The following COL21A1 variants were observed in gnomAD, a reference collection of about 807,000 sequenced individuals.
COL21A1 encodes the protein collagen type XXI alpha 1 chain.
COL21A1 carries 149 observed loss-of-function variants against 137.9 expected under a neutral mutation model. The observed-to-expected ratio is 1.08, with a 90% confidence interval of 0.95 to 1.24. COL21A1 has a LOEUF of 1.24. COL21A1 is among the 50% of genes most tolerant of loss of function. The pLI is 0.00. For missense variants in COL21A1, 1,167 were observed against 1,158.4 expected (o/e 1.01, Z -0.11); for synonymous variants, 456 against 391.5 (o/e 1.16, Z -1.95).
At chr6:56,141,653 C>A in intron 12 of COL21A1, 132 bp downstream of exon 12, 1 of 856,568 alleles carries the variant, frequency 1.2e-6, no homozygotes, top group Non-Finnish European at 1.9e-6. Flanking sequence ...GTCTAATAGC[C>A]ACTGACAAAT....
chr6:56,273,228 A>C (rs148486429), intron 1 of COL21A1, among the ~76,000 whole-genome samples: 1 of 152,222 alleles, frequency 6.6e-6, no homozygotes, highest in Non-Finnish European at 1.5e-5. Flanking sequence ...TCTGGGATTC[A>C]GCCAAAGCAG....
intron 1 of COL21A1, among the ~76,000 whole-genome samples, chr6:56,231,832 T>C (rs971393456): frequency 2.6e-5 from 4 of 151,836 alleles, no homozygotes; most frequent in African/African-American, 4.8e-5. Context: ...TTCAGATCAT[T>C]CTCTTTTCAT....
chr6:56,294,946 A>G (rs982558788), intron 1 of COL21A1, among the ~76,000 whole-genome samples: 9 of 151,988 alleles, frequency 5.9e-5, no homozygotes, highest in African/African-American at 2.2e-4. Flanking sequence ...TAATTTTAAT[A>G]AAGTCCAACT....
chr6:56,265,647 G>A (rs1375420979), intron 1 of COL21A1, among the ~76,000 whole-genome samples: 1 of 152,190 alleles, frequency 6.6e-6, no homozygotes, highest in African/African-American at 2.4e-5. Flanking sequence ...ACTGGTGACA[G>A]ATCATACCAT....
intron 14 of COL21A1, 80 bp downstream of exon 14, chr6:56,125,487 T>A: frequency 1.0e-6 from 1 of 959,268 alleles, no homozygotes; most frequent in East Asian, 2.6e-5. Context: ...TAATGCTGGG[T>A]TAGAACTGCA....
chr6:56,327,681 C>T (rs10807514), intron 1 of COL21A1, among the ~76,000 whole-genome samples: 149,360 of 152,150 alleles, frequency 0.98, 73,359 homozygotes, highest in East Asian at 1. Flanking sequence ...GGAATCGTGG[C>T]TGAGATTTGA....
At chr6:56,358,933 TA>T (rs574818707) in intron 1 of COL21A1, among the ~76,000 whole-genome samples, 26 of 150,514 alleles carry the variant, frequency 1.7e-4, no homozygotes, top group Non-Finnish European at 2.2e-4. Context: ...TCCCAATGGT[TA>T]AAAAAAAAAT....
chr6:56,330,302 A>G (rs1765188760), intron 1 of COL21A1, among the ~76,000 whole-genome samples: 1 of 152,136 alleles, frequency 6.6e-6, no homozygotes, highest in Non-Finnish European at 1.5e-5. Flanking sequence ...AAAATAAAAT[A>G]GTTGTAAATA....
intron 1 of COL21A1, among the ~76,000 whole-genome samples, chr6:56,382,144 T>A (rs1277400906): frequency 1.3e-5 from 2 of 152,206 alleles, no homozygotes; most frequent in Non-Finnish European, 2.9e-5. Flanking sequence ...TTATGTGTCA[T>A]CTACACAATA....
chr6:56,312,748 C>T (rs1284588852), intron 1 of COL21A1, among the ~76,000 whole-genome samples: 1 of 151,984 alleles, frequency 6.6e-6, no homozygotes, highest in Non-Finnish European at 1.5e-5. Flanking sequence ...ACAAGGTTGC[C>T]AAAAGAGAAA....
intron 1 of COL21A1, among the ~76,000 whole-genome samples, chr6:56,322,921 C>T (rs948184463): frequency 3.0e-4 from 40 of 131,702 alleles, no homozygotes; most frequent in African/African-American, 1.1e-3. Flanking sequence ...TCAAAGAATA[C>T]AAGTTTTAAA....
intron 1 of COL21A1, among the ~76,000 whole-genome samples, chr6:56,322,206 A>C (rs1310330478): frequency 6.6e-6 from 1 of 152,120 alleles, no homozygotes; most frequent in East Asian, 1.9e-4. Context: ...AGTGAGATGC[A>C]CTGAAAACTG....
intron 1 of COL21A1, among the ~76,000 whole-genome samples, chr6:56,383,983 T>C (rs1164756281): frequency 7.4e-6 from 1 of 135,798 alleles, no homozygotes; most frequent in Non-Finnish European, 1.6e-5. Flanking sequence ...GTGAGAAATA[T>C]AGATTAATTT....
At chr6:56,077,238 G>A (rs1218432043) in intron 18 of COL21A1, among the ~76,000 whole-genome samples, 1 of 151,208 alleles carries the variant, frequency 6.6e-6, no homozygotes, top group African/African-American at 2.4e-5. Flanking sequence ...ATATAGTTAA[G>A]TAAATTAACT....
At chr6:56,275,108 T>C (rs763000582) in intron 1 of COL21A1, among the ~76,000 whole-genome samples, 16 of 152,066 alleles carry the variant, frequency 1.1e-4, no homozygotes, top group Non-Finnish European at 2.1e-4. Flanking sequence ...AAACAAGCAA[T>C]TAGGAAAGGA....
chr6:56,059,298 G>A, intron 28 of COL21A1, 56 bp from the exon 29 acceptor site: 2 of 1,228,728 alleles, frequency 1.6e-6, no homozygotes, highest in South Asian at 3.0e-5. Context: ...CTTCTAGATT[G>A]TTTCATTCAA....
chr6:56,229,316 T>C (rs1781402457), intron 1 of COL21A1, among the ~76,000 whole-genome samples: 2 of 151,952 alleles, frequency 1.3e-5, no homozygotes. Flanking sequence ...GCCCAGGAGT[T>C]TGAATTGCAC....
intron 1 of COL21A1, among the ~76,000 whole-genome samples, chr6:56,291,895 C>T (rs1203827706): frequency 1.3e-5 from 2 of 152,168 alleles, no homozygotes; most frequent in African/African-American, 4.8e-5. Context: ...TATTTTCAGG[C>T]CGGGTGTGGT....
intron 16 of COL21A1, among the ~76,000 whole-genome samples, chr6:56,116,364 C>A (rs1290060630): frequency 8.2e-6 from 1 of 121,552 alleles, no homozygotes; most frequent in African/African-American, 3.2e-5. Flanking sequence ...GAGAGAGTAG[C>A]ATGATGCATG....
Sources: gnomAD v4.1 joint callset for allele counts (sites outside exome capture counted in the v4.1 genomes callset) on GRCh38, gnomAD v4.1.1 for gene constraint, MANE v1.5 for transcripts, NCBI Gene and HGNC (gene_info 2026-07-23, HGNC 2026-07-21) for gene names.